The following BRAF variants were observed in gnomAD, a reference collection of about 807,000 sequenced individuals.
BRAF encodes the protein serine/threonine-protein kinase B-raf.
Under a neutral mutation model 104.6 loss-of-function variants are expected in BRAF, and 16 were observed. The observed-to-expected ratio is 0.15, with a 90% confidence interval of 0.10 to 0.23. The LOEUF (loss-of-function observed/expected upper bound fraction) is 0.23. Among genes scored for constraint, BRAF ranks in the 10% least tolerant of loss-of-function variants. BRAF has a pLI of 1.00. For synonymous variants in BRAF, 310 were observed against 341.6 expected, an observed-to-expected ratio of 0.91 and a Z score of 1.02; for missense variants, 541 against 937.3, an observed-to-expected ratio of 0.58 and a Z score of 5.52.
intron 8 of BRAF, 63 bp downstream of exon 8, chr7:140,794,245 A>C (rs1802291001): frequency 6.3e-7 from 1 of 1,577,944 alleles, no homozygotes; most frequent in Non-Finnish European, 8.7e-7. Context: ...AGTTATAATT[A>C]TAGCAGAAAA....
intron 2 of BRAF, among the ~76,000 whole-genome samples, chr7:140,836,711 T>C (rs1807379388): frequency 1.3e-5 from 2 of 152,192 alleles, no homozygotes; most frequent in Admixed American, 6.5e-5. Context: ...AAAATTTATT[T>C]ATTGAGCCTT....
rs1795238235 is a variant in BRAF at position 140,719,845 on chromosome 7, A to C, written c.*6649T>G. 9.4e-7 allele frequency: 1 copy of C among 1,063,134 alleles called. No homozygotes were observed. Among genetic ancestry groups the C allele is most frequent in the East Asian group, 5.0e-5 (1 of 19,820 alleles). 65.9% of individuals were successfully genotyped at this position (1,063,134 alleles called of 1,614,324 possible). On this transcript the variant is annotated 3_prime_UTR_variant, in exon 20 of 20. Transcript: ENST00000644969. ...CCCCAGACTCCACGAGAACCTTTTC[A>C]ATGCTTGAGTGGAACTGAAGTGTAC...
chr7:140,879,779 G>A (rs1322917245), intron 1 of BRAF, among the ~76,000 whole-genome samples: 1 of 150,524 alleles, frequency 6.6e-6, no homozygotes, highest in Non-Finnish European at 1.5e-5. Context: ...CGCCCAGGGT[G>A]GGAGTACAGT....
chr7:140,804,880 ACTG>A (rs1358409843), intron 5 of BRAF, among the ~76,000 whole-genome samples: 7 of 151,846 alleles, frequency 4.6e-5, no homozygotes, highest in African/African-American at 1.7e-4. Context: ...ATCATGACTC[ACTG>A]CAAAGTCTGC....
intron 1 of BRAF, among the ~76,000 whole-genome samples, chr7:140,899,831 C>A (rs943734371): frequency 1.3e-5 from 2 of 152,188 alleles, no homozygotes; most frequent in Non-Finnish European, 2.9e-5. Context: ...TGTACAAACT[C>A]CCCTTGAATG....
intron 7 of BRAF, among the ~76,000 whole-genome samples, chr7:140,795,008 A>G (rs1802360822): frequency 6.6e-6 from 1 of 152,176 alleles, no homozygotes; most frequent in Non-Finnish European, 1.5e-5. Context: ...TCAGAAGATG[A>G]TCCTCAGAGT....
At chr7:140,915,594 C>T (rs1455059615) in intron 1 of BRAF, among the ~76,000 whole-genome samples, 1 of 151,688 alleles carries the variant, frequency 6.6e-6, no homozygotes, top group Non-Finnish European at 1.5e-5. Flanking sequence ...GCCACCATGC[C>T]CGGCTAATTT....
intron 1 of BRAF, among the ~76,000 whole-genome samples, chr7:140,873,878 A>G (rs1300236181): frequency 6.6e-6 from 1 of 152,220 alleles, no homozygotes; most frequent in Non-Finnish European, 1.5e-5. Context: ...TAGAAACCTT[A>G]CTGGCCTTGA....
intron 5 of BRAF, among the ~76,000 whole-genome samples, chr7:140,802,383 C>T (rs924734481): frequency 1.3e-5 from 2 of 151,070 alleles, no homozygotes; most frequent in East Asian, 1.9e-4. Context: ...CTGCAACCTC[C>T]ACCTCCTGGT....
chr7:140,739,672 ATCT>A, intron 18 of BRAF, 137 bp downstream of exon 17: 1 of 973,994 alleles, frequency 1.0e-6, no homozygotes, highest in South Asian at 1.5e-5. Context: ...TCATGAAGCC[ATCT>A]TAATGTGTTT....
In BRAF at chr7:140,800,629, C is replaced by T. The variant is rs1021757803; in HGVS notation, c.861-148G>A. The T allele has an allele frequency of 4.7e-5, 62 of 1,323,190 alleles. No individual in the cohort carries two copies. The East Asian group carries it at 1.2e-3, about 25-fold the overall frequency. 82.0% of individuals were successfully genotyped at this position (1,323,190 alleles called of 1,614,324 possible). ...AATTAGTTGTATTTTTGTCTAAAGG[C>T]TTATTTTAAAAAAAATTGTATTGCA... On this transcript the variant is annotated intron_variant, in intron 6 of 19. Coordinates refer to ENST00000644969, the MANE Select transcript of BRAF (RefSeq NM_001374258.1).
At chr7:140,775,327 T>C (rs1169878296) in intron 14 of BRAF, among the ~76,000 whole-genome samples, 2 of 152,128 alleles carry the variant, frequency 1.3e-5, no homozygotes, top group Non-Finnish European at 2.9e-5. Context: ...TGCCATGGTT[T>C]ACTCTTCACA....
At chr7:140,713,681 G>A in the BRAF span, among the ~76,000 whole-genome samples, 13 of 152,220 alleles carry the variant, frequency 8.5e-5, no homozygotes, top group East Asian at 1.5e-3. Flanking sequence ...GAGGAGAGGC[G>A]CTCTGATTTT....
In BRAF at chr7:140,739,960, A is replaced by C; in HGVS notation, c.2113-14T>G. The C allele has an allele frequency of 1.2e-6, 2 of 1,612,288 alleles. No homozygotes were observed. The highest frequency in any genetic ancestry group is 1.7e-6 in the Non-Finnish European group (2 of 1,179,234). On this transcript the variant is annotated splice_polypyrimidine_tract_variant and intron_variant, in intron 17 of 19. Coordinates refer to ENST00000644969, the MANE Select transcript of BRAF (RefSeq NM_001374258.1). ...CATAAAAATTATCTGGAGAGAGAAAAAAAAGGGAAATAATTCAACCTTGTA... is the reference window on the plus strand; with the variant it reads ...CATAAAAATTATCTGGAGAGAGAAACAAAAGGGAAATAATTCAACCTTGTA...
intron 18 of BRAF, 72 bp from the exon 18 acceptor site, chr7:140,734,842 A>AAG: frequency 7.1e-7 from 1 of 1,407,436 alleles, no homozygotes; most frequent in Non-Finnish European, 9.4e-7. Context: ...GAAAAAGAAA[A>AAG]AACAGAAAGA....
intron 19 of BRAF, among the ~76,000 whole-genome samples, chr7:140,729,368 G>A (rs184350684): frequency 3.6e-4 from 55 of 152,288 alleles, no homozygotes; most frequent in Admixed American, 2.4e-3. Flanking sequence ...AAACCAGGCC[G>A]GCGAGGTGGC....
rs560880625 is a variant in BRAF at position 140,721,821 on chromosome 7, C to A, written c.*4673G>T. On this transcript the variant is annotated 3_prime_UTR_variant, in exon 20 of 20. Coordinates refer to ENST00000644969, the MANE Select transcript of BRAF (RefSeq NM_001374258.1). ...TCCAATGGCCAGGTCATAAAGGATG[C>A]CTTGAGACCTCCACCCTGGCCCCCA... 2.3e-5 allele frequency: 32 copies of A among 1,381,120 alleles called. No individual in the cohort carries two copies. The South Asian group carries it at 5.0e-4, about 22-fold the overall frequency. The allele number at this position is 1,381,120 out of a possible 1,614,324, so 85.6% of individuals were successfully genotyped here. A position where few individuals can be genotyped will look rare whatever the true frequency, so the allele number is the denominator to read the frequency against.
intron 1 of BRAF, among the ~76,000 whole-genome samples, chr7:140,854,020 T>A (rs1809496010): frequency 6.6e-6 from 1 of 152,200 alleles, no homozygotes; most frequent in Non-Finnish European, 1.5e-5. Context: ...TCTCCCAGGC[T>A]GGAGTGCAGT....
intron 17 of BRAF, chr7:140,747,333 C>T (rs910615163): frequency 1.8e-5 from 21 of 1,150,218 alleles, no homozygotes; most frequent in Non-Finnish European, 2.1e-5. Context: ...TCTAACTATA[C>T]TATTAGAAAG....
Sources: allele counts gnomAD v4.1 joint callset (sites outside exome capture counted in the v4.1 genomes callset), GRCh38; gene constraint gnomAD v4.1.1; transcripts MANE v1.5; gene names NCBI Gene and HGNC (gene_info 2026-07-23, HGNC 2026-07-21).